Variants in TXNRD2 observed in about 807,000 individuals in gnomAD.
The protein encoded by TXNRD2 is thioredoxin reductase 2.
TXNRD2 carries 67 observed loss-of-function variants against 70.8 expected under a neutral mutation model. The ratio of observed to expected loss-of-function variants is 0.95; its 90% CI spans 0.78 to 1.16. The LOEUF (loss-of-function observed/expected upper bound fraction) is 1.16, where lower values mean the gene tolerates loss of function less well. TXNRD2 is among the 50% of genes most tolerant of loss of function. The pLI, the probability that TXNRD2 is intolerant of heterozygous loss-of-function variation, is 0.00. For missense variants in TXNRD2, 644 were observed against 719.9 expected, an observed-to-expected ratio of 0.89 and a Z score of 1.21; for synonymous variants, 301 against 295.8, an observed-to-expected ratio of 1.02 and a Z score of -0.18.
intron 1 of TXNRD2, among the ~76,000 whole-genome samples, chr22:19,936,201 C>T (rs964571055): frequency 1.3e-5 from 2 of 152,060 alleles, no homozygotes; most frequent in South Asian, 2.1e-4. Flanking sequence ...TAATGACATA[C>T]CAATCCCGTG....
chr22:19,902,337 T>C (rs914281045), intron 8 of TXNRD2, among the ~76,000 whole-genome samples: 7 of 152,082 alleles, frequency 4.6e-5, no homozygotes, highest in East Asian at 1.9e-4. Context: ...TTGTTCAAAA[T>C]TGGAATGGGG....
At chr22:19,911,273 C>CG in intron 8 of TXNRD2, 104 bp downstream of exon 8, 1 of 970,194 alleles carries the variant, frequency 1.0e-6, no homozygotes, top group South Asian at 1.3e-5. Context: ...TTGGGTAAAC[C>CG]GGAAAGAAAG....
At chr22:19,917,048 G>C (rs890868972) in intron 5 of TXNRD2, among the ~76,000 whole-genome samples, 13 of 152,226 alleles carry the variant, frequency 8.5e-5, no homozygotes, top group Non-Finnish European at 1.3e-4. Context: ...CCTACAGCAA[G>C]AGCCCTTCAA....
At chr22:19,909,244 T>C (rs1440620248) in intron 8 of TXNRD2, among the ~76,000 whole-genome samples, 1 of 151,150 alleles carries the variant, frequency 6.6e-6, no homozygotes, top group African/African-American at 2.4e-5. Context: ...GTAAATTTTA[T>C]ACTATGTCTG....
intron 1 of TXNRD2, among the ~76,000 whole-genome samples, chr22:19,940,244 CAAAA>C (rs141013808): frequency 1.5e-5 from 1 of 68,492 alleles, no homozygotes; most frequent in Non-Finnish European, 2.6e-5. Flanking sequence ...GACACTGTCT[CAAAA>C]AAAAAAAAAA....
Position 19,915,216 on chromosome 22 carries a change from G to A in TXNRD2, c.589C>T (p.His197Tyr). 1 of 1,613,806 alleles carries A rather than the reference G, an allele frequency of 6.2e-7. No homozygotes were observed. The highest frequency in any genetic ancestry group is 8.5e-7 in the Non-Finnish European group (1 of 1,179,876). The change falls in exon 7 of 18, where the codon CAC becomes TAC. Residue 197 changes from histidine to tyrosine, a missense_variant and splice_region_variant. Coordinates refer to ENST00000400521, the MANE Select transcript of TXNRD2 (RefSeq NM_006440.5). Reference protein sequence around the residue: ...ATGGRPRYPTHIEGALEYGIT... With the variant: ...ATGGRPRYPTYIEGALEYGIT... ...CGCTATGCTCTGGGGACACTCACGTGCGTGGGGTATCTCGGCCGCCCTCCA... is the reference window on the plus strand; with the variant it reads ...CGCTATGCTCTGGGGACACTCACGTACGTGGGGTATCTCGGCCGCCCTCCA...
At chr22:19,928,666 C>G (rs1271848512) in intron 2 of TXNRD2, among the ~76,000 whole-genome samples, 1 of 152,150 alleles carries the variant, frequency 6.6e-6, no homozygotes, top group Non-Finnish European at 1.5e-5. Context: ...GCCCTAAACC[C>G]TAGCACTTCA....
intron 1 of TXNRD2, among the ~76,000 whole-genome samples, chr22:19,940,071 G>A (rs191409258): frequency 4.0e-5 from 6 of 151,898 alleles, no homozygotes; most frequent in African/African-American, 1.4e-4. Flanking sequence ...GTGAAATCCC[G>A]TCTCTACTAA....
At chr22:19,880,479 C>A in intron 13 of TXNRD2, 143 bp downstream of exon 13, 1 of 885,038 alleles carries the variant, frequency 1.1e-6, no homozygotes, top group Non-Finnish European at 1.8e-6. Context: ...CACGTGTGTA[C>A]AACACACCCA....
chr22:19,927,217 C>A (rs1941180395), intron 2 of TXNRD2, among the ~76,000 whole-genome samples: 2 of 152,044 alleles, frequency 1.3e-5, no homozygotes, highest in Non-Finnish European at 2.9e-5. Flanking sequence ...CTGCTTGAAT[C>A]CAGGAGGTGG....
chr22:19,915,130 G>A lies in TXNRD2; in HGVS notation c.591+84C>T, dbSNP rs779856666. On this transcript the variant is annotated intron_variant, in intron 7 of 17. Transcript: ENST00000400521. Reference sequence around the variant, plus strand: ...AAGGGTGTGCAAGCTGCTGCTGTGGGAAGCACGTGTGTAAAAACGTATCCC... The same window carrying A: ...AAGGGTGTGCAAGCTGCTGCTGTGGAAAGCACGTGTGTAAAAACGTATCCC... The A allele has an allele frequency of 5.5e-6, 7 of 1,282,390 alleles. No individual in the cohort carries two copies. In the Admixed American group the frequency reaches 9.5e-5, roughly 17 times the overall value. 79.4% of individuals were successfully genotyped at this position (1,282,390 alleles called of 1,614,324 possible).
At chr22:19,890,759 C>T (rs1312164884) in intron 11 of TXNRD2, among the ~76,000 whole-genome samples, 1 of 152,202 alleles carries the variant, frequency 6.6e-6, no homozygotes, top group Non-Finnish European at 1.5e-5. Context: ...AGGGACAATC[C>T]GCAGGGACTT....
chr22:19,907,101 A>G (rs1174526484), intron 8 of TXNRD2, among the ~76,000 whole-genome samples: 1,265 of 30,402 alleles, frequency 0.042, no homozygotes, highest in Admixed American at 0.057. Flanking sequence ...TGTGGGCGCC[A>G]TGGGTAGCAG....
At chr22:19,940,203 C>G (rs1569120012) in intron 1 of TXNRD2, among the ~76,000 whole-genome samples, 1 of 134,836 alleles carries the variant, frequency 7.4e-6, no homozygotes, top group African/African-American at 2.8e-5. Flanking sequence ...TGAGATCGCA[C>G]CACTGTACTC....
At chr22:19,940,202 A>C (rs1252137809) in intron 1 of TXNRD2, among the ~76,000 whole-genome samples, 4 of 136,734 alleles carry the variant, frequency 2.9e-5, no homozygotes, top group Admixed American at 8.7e-5. Flanking sequence ...CTGAGATCGC[A>C]CCACTGTACT....
intron 1 of TXNRD2, among the ~76,000 whole-genome samples, chr22:19,941,177 C>G (rs948754978): frequency 3.3e-5 from 5 of 152,136 alleles, no homozygotes; most frequent in South Asian, 2.1e-4. Flanking sequence ...CAGGATGAGG[C>G]TTGAACTGTC....
chr22:19,885,122 C>T (rs35934224), intron 11 of TXNRD2, among the ~76,000 whole-genome samples: 28,488 of 152,130 alleles, frequency 0.19, 3,074 homozygotes, highest in African/African-American at 0.28. Flanking sequence ...TCTTCATAGC[C>T]GAACAGCCAG....
chr22:19,932,290 G>C (rs1569113716), intron 1 of TXNRD2: 1 of 1,611,622 alleles, frequency 6.2e-7, no homozygotes, highest in East Asian at 2.2e-5. Flanking sequence ...CTGGGCACAG[G>C]GAGAGCTGCC....
chr22:19,904,761 G>T (rs1264642638), intron 8 of TXNRD2, among the ~76,000 whole-genome samples: 1 of 152,176 alleles, frequency 6.6e-6, no homozygotes, highest in African/African-American at 2.4e-5. Context: ...AGGGGACAGA[G>T]TGCCCACTGC....
Sources: gnomAD v4.1 joint callset for allele counts (sites outside exome capture counted in the v4.1 genomes callset) on GRCh38, gnomAD v4.1.1 for gene constraint, MANE v1.5 for transcripts, NCBI Gene and HGNC (gene_info 2026-07-23, HGNC 2026-07-21) for gene names.